VPS13A: variants seen among roughly 807,000 people sequenced by gnomAD.
VPS13A encodes the protein intermembrane lipid transfer protein VPS13A.
In VPS13A, 264 loss-of-function variants were observed where a neutral mutation model predicts 390.9. That is an observed-to-expected ratio of 0.68 (90% CI 0.61 to 0.75). The LOEUF (loss-of-function observed/expected upper bound fraction) is 0.75. Among genes scored for constraint, VPS13A ranks in the 30% least tolerant of loss-of-function variants. VPS13A has a pLI of 0.00. For synonymous variants in VPS13A, 1,231 were observed against 1,227.1 expected, an observed-to-expected ratio of 1.00 and a Z score of -0.07; for missense variants, 3,409 against 3,733.9, an observed-to-expected ratio of 0.91 and a Z score of 2.27.
At chr9:77,243,243 A>G (rs899940889) in intron 19 of VPS13A, among the ~76,000 whole-genome samples, 10 of 152,024 alleles carry the variant, frequency 6.6e-5, no homozygotes, top group African/African-American at 2.2e-4. Flanking sequence ...CAGATTTCAG[A>G]TTTCTTCGGA....
intron 67 of VPS13A, among the ~76,000 whole-genome samples, chr9:77,377,253 C>T (rs1687568672): frequency 7.8e-6 from 1 of 128,350 alleles, no homozygotes; most frequent in South Asian, 2.6e-4. Context: ...CGCTCTGTCG[C>T]CCAGGCCAGA....
At chr9:77,294,381 A>AT (rs2131373849) in intron 32 of VPS13A, among the ~76,000 whole-genome samples, 1 of 151,674 alleles carries the variant, frequency 6.6e-6, no homozygotes, top group African/African-American at 2.4e-5. Context: ...GTCAGCTGAT[A>AT]TTTTTTCCTG....
At chr9:77,301,958 T>TA (rs1256814138) in intron 33 of VPS13A, among the ~76,000 whole-genome samples, 1 of 91,712 alleles carries the variant, frequency 1.1e-5, no homozygotes, top group African/African-American at 4.9e-5. Context: ...CATAGAGATA[T>TA]TTTTTTTTTT....
At chr9:77,229,556 T>C (rs554615447) in intron 17 of VPS13A, among the ~76,000 whole-genome samples, 2 of 152,338 alleles carry the variant, frequency 1.3e-5, no homozygotes, top group East Asian at 3.9e-4. Flanking sequence ...TTGGCATTTT[T>C]CACTTAGCAT....
At chr9:77,343,771 T>C (rs1180252722) in intron 50 of VPS13A, among the ~76,000 whole-genome samples, 2 of 152,210 alleles carry the variant, frequency 1.3e-5, no homozygotes, top group Non-Finnish European at 2.9e-5. Flanking sequence ...TGTTCATACC[T>C]GATTTTGATT....
Position 77,177,604 on chromosome 9 carries a change from C to A in VPS13A, c.-101C>A, listed in dbSNP as rs1346464555. 5.3e-6 allele frequency: 6 copies of A among 1,137,796 alleles called. No individual in the cohort carries two copies. Among genetic ancestry groups the A allele is most frequent in the Non-Finnish European group, 7.7e-6 (6 of 777,664 alleles). 70.5% of individuals were successfully genotyped at this position (1,137,796 alleles called of 1,614,324 possible). On this transcript the variant is annotated 5_prime_UTR_variant, in exon 1 of 72. Coordinates refer to ENST00000360280, the MANE Select transcript of VPS13A (RefSeq NM_033305.3). ...CGGGGGCGCCGCAGCTGAAGCCGCC[C>A]CGGAGCCGGTGAACCGAATTACCTC...
Position 77,207,252 on chromosome 9 carries a change from T to TATATATACGTATATATATATATAA in VPS13A, c.385+1174_385+1175insTATATACGTATATATATATATAAA. Among the ~76,000 whole-genome samples the TATATATACGTATATATATATATAA allele has an allele frequency of 4.0e-4, 35 of 87,244 alleles. 1 individual carries two copies. The highest frequency in any genetic ancestry group is 1.5e-3 in the East Asian group (4 of 2,714). 57.2% of individuals were successfully genotyped at this position (87,244 alleles called of 152,430 possible). On this transcript the variant is annotated intron_variant, in intron 5 of 71. Transcript: ENST00000360280. ...ATATATATATATATATATATATATA[T>TATATATACGTATATATATATATAA]AAAACGTGTTATATGTAACATAACA...
chr9:77,373,268 G>A lies in VPS13A; in HGVS notation c.9077+2119G>A, dbSNP rs942601944. Among the ~76,000 whole-genome samples, 80 of 148,532 alleles carry A rather than the reference G, an allele frequency of 5.4e-4. 2 individuals carry two copies. Among genetic ancestry groups the A allele is most frequent in the African/African-American group, 1.5e-3 (62 of 40,734 alleles). On this transcript the variant is annotated intron_variant, in intron 67 of 71. Coordinates refer to ENST00000360280, the MANE Select transcript of VPS13A (RefSeq NM_033305.3). ...AGGCTACAGTAACCAAAAGAGCATG[G>A]TACTGGTACCAAAACAGAGATATAC...
At chr9:77,357,908 C>T in intron 56 of VPS13A, 70 bp downstream of exon 56, 1 of 1,386,042 alleles carries the variant, frequency 7.2e-7, no homozygotes, top group Non-Finnish European at 1.0e-6. Context: ...GATCTATTCC[C>T]ATGGTCTGCT....
chr9:77,288,711 T>C (rs902086529), intron 31 of VPS13A, among the ~76,000 whole-genome samples: 1 of 152,212 alleles, frequency 6.6e-6, no homozygotes, highest in Non-Finnish European at 1.5e-5. Flanking sequence ...ATGTTTCAAG[T>C]GTACTTGAAA....
At chr9:77,198,528 C>A (rs1344524427) in intron 1 of VPS13A, among the ~76,000 whole-genome samples, 1 of 151,974 alleles carries the variant, frequency 6.6e-6, no homozygotes, top group Non-Finnish European at 1.5e-5. Flanking sequence ...GCCCAGGTAT[C>A]TTTGCTCTTT....
intron 61 of VPS13A, 27 bp downstream of exon 61, chr9:77,366,899 T>G: frequency 6.2e-7 from 1 of 1,606,470 alleles, no homozygotes; most frequent in Non-Finnish European, 8.5e-7. Context: ...AATCTGTAAA[T>G]TGATGGAAAT....
chr9:77,275,553 G>A lies in VPS13A; in HGVS notation c.2568G>A (p.Gln856=). ...APCSPLEEPL[Q]FPTGVKSIRT... ...GTAGTCCCTTGGAAGAACCTCTTCA[G>A]TTTCCAACTGGAGTTAAAAGTATTC... is the stretch of plus-strand genomic sequence containing the variant. Residue 856 remains glutamine (Q), a synonymous_variant, in exon 25 of 72, where the codon CAG becomes CAA. Transcript: ENST00000360280. The A allele has an allele frequency of 6.2e-7, 1 of 1,613,796 alleles. No homozygotes were observed. Among genetic ancestry groups the A allele is most frequent in the South Asian group, 1.1e-5 (1 of 91,078 alleles).
rs1218430046 is a variant in VPS13A, at chr9:77,177,629, C to T, written c.-76C>T. 48 of 1,389,302 alleles carry T rather than the reference C, an allele frequency of 3.5e-5. No homozygotes were observed. Among genetic ancestry groups the T allele is most frequent in the Non-Finnish European group, 4.7e-5 (47 of 990,852 alleles). 86.1% of individuals were successfully genotyped at this position (1,389,302 alleles called of 1,614,324 possible). ...CCGGAGCCGGTGAACCGAATTACCT[C>T]GAGGGAGGGGCGTGGGGAAGGCGGC... On this transcript the variant is annotated 5_prime_UTR_variant, in exon 1 of 72. Transcript: ENST00000360280.
intron 68 of VPS13A, among the ~76,000 whole-genome samples, chr9:77,402,143 C>A (rs1039945636): frequency 6.6e-6 from 1 of 152,130 alleles, no homozygotes; most frequent in Non-Finnish European, 1.5e-5. Flanking sequence ...TTTGCCCTAC[C>A]TACTACAGTA....
intron 23 of VPS13A, among the ~76,000 whole-genome samples, chr9:77,264,511 A>C (rs1236478095): frequency 6.6e-6 from 1 of 152,146 alleles, no homozygotes; most frequent in African/African-American, 2.4e-5. Context: ...GGTCCTTCAC[A>C]TCCCTTGTAA....
intron 24 of VPS13A, among the ~76,000 whole-genome samples, chr9:77,273,955 T>C (rs924634336): frequency 2.0e-5 from 3 of 152,184 alleles, no homozygotes; most frequent in African/African-American, 7.2e-5. Flanking sequence ...GTAATCCTTA[T>C]GCCAAAAAGA....
intron 31 of VPS13A, 118 bp downstream of exon 31, chr9:77,283,768 T>C: frequency 3.6e-6 from 3 of 837,936 alleles, no homozygotes; most frequent in Non-Finnish European, 5.6e-6. Context: ...ATTATGTGCA[T>C]GGGTTTTGGA....
In VPS13A at chr9:77,275,804, C is replaced by G. The variant is rs938789005; in HGVS notation, c.2667+152C>G. ...CTGTGTGATTCTTGGTCACTCCCCG[C>G]CCCCCCCTTTTTTTTTTAAATAAGA... On this transcript the variant is annotated intron_variant, in intron 25 of 71. Transcript: ENST00000360280. 16 of 836,972 alleles carry G rather than the reference C, an allele frequency of 1.9e-5. No homozygotes were observed. In the Admixed American group the frequency reaches 4.3e-4, roughly 22 times the overall value. 51.8% of individuals were successfully genotyped at this position (836,972 alleles called of 1,614,324 possible).
Sources: allele counts gnomAD v4.1 joint callset (sites outside exome capture counted in the v4.1 genomes callset), GRCh38; gene constraint gnomAD v4.1.1; transcripts MANE v1.5; gene names NCBI Gene and HGNC (gene_info 2026-07-23, HGNC 2026-07-21).